PCDHA13: variants seen among roughly 807,000 people sequenced by gnomAD.
The protein encoded by PCDHA13 is protocadherin alpha-13.
A neutral mutation model predicts 64.8 loss-of-function variants in PCDHA13; 54 were observed. That is an observed-to-expected ratio of 0.83 (90% CI 0.67 to 1.04). PCDHA13 has a LOEUF of 1.04. Ranked by LOEUF, PCDHA13 falls within the 50% of genes least tolerant of loss-of-function variation. The pLI is 0.00. For synonymous variants in PCDHA13, 587 were observed against 564.4 expected (o/e 1.04, Z -0.57); for missense variants, 1,248 against 1,254.3 (o/e 0.99, Z 0.08).
At chr5:140,898,961 G>A (rs1405112699) in intron 1 of PCDHA13, among the ~76,000 whole-genome samples, 1 of 152,036 alleles carries the variant, frequency 6.6e-6, no homozygotes, top group African/African-American at 2.4e-5. Flanking sequence ...AGTTGTGAAT[G>A]GGAGTTCACT....
rs572947059 is a variant in PCDHA13 at position 141,007,735 on chromosome 5, A to G, written c.2543-1892A>G. Reference sequence around the variant, plus strand: ...CCACCAGGGAGAACAAAGGTTAACCACTGAAGATAACTTTGGACTCTTATT... The same window carrying G: ...CCACCAGGGAGAACAAAGGTTAACCGCTGAAGATAACTTTGGACTCTTATT... On this transcript the variant is annotated intron_variant, in intron 3 of 3. Coordinates refer to ENST00000289272, the MANE Select transcript of PCDHA13 (RefSeq NM_018904.3). Among the ~76,000 whole-genome samples, 58 of 152,336 alleles carry G rather than the reference A, an allele frequency of 3.8e-4. 1 individual carries two copies. Among genetic ancestry groups the G allele is most frequent in the South Asian group, 2.9e-3 (14 of 4,824 alleles).
chr5:140,954,824 C>T (rs1167171102), intron 1 of PCDHA13, among the ~76,000 whole-genome samples: 2 of 152,068 alleles, frequency 1.3e-5, no homozygotes, highest in Non-Finnish European at 2.9e-5. Flanking sequence ...GCTTTAGGCA[C>T]TTTTGTCATG....
At chr5:140,900,538 A>G (rs1341812228) in intron 1 of PCDHA13, among the ~76,000 whole-genome samples, 1 of 152,162 alleles carries the variant, frequency 6.6e-6, no homozygotes, top group Non-Finnish European at 1.5e-5. Context: ...CGGCTTTCCA[A>G]AGTGCTGGGA....
chr5:140,963,483 T>C (rs1228943699), intron 1 of PCDHA13, among the ~76,000 whole-genome samples: 1 of 152,246 alleles, frequency 6.6e-6, no homozygotes, highest in Non-Finnish European at 1.5e-5. Flanking sequence ...GGTAAATCTC[T>C]TGTGAGGAAA....
chr5:140,883,601 G>T lies in PCDHA13; in HGVS notation c.1333G>T (p.Val445Leu). ...LWATASVSVG[V>L]ADVNDNAPAF... ...GGCCACGGCCAGCGTGTCGGTGGGG[G>T]TGGCCGACGTGAACGACAACGCGCC... Residue 445 changes from valine (V) to leucine (L), a missense_variant, in exon 1 of 4, where the codon GTG (valine) becomes TTG (leucine). Val to Leu is a conservative substitution (Grantham distance 32). Transcript: ENST00000289272. 2 of 1,614,022 alleles carry T rather than the reference G, an allele frequency of 1.2e-6. No individual in the cohort carries two copies. Among genetic ancestry groups the T allele is most frequent in the Non-Finnish European group, 1.7e-6 (2 of 1,179,942 alleles).
At chr5:140,977,379 C>T (rs921133722) in intron 1 of PCDHA13, among the ~76,000 whole-genome samples, 4 of 152,134 alleles carry the variant, frequency 2.6e-5, no homozygotes, top group African/African-American at 2.4e-5. Flanking sequence ...AGTCATATTT[C>T]CAGGTTTATA....
intron 1 of PCDHA13, among the ~76,000 whole-genome samples, chr5:140,886,254 CTA>C (rs1304679943): frequency 6.6e-6 from 1 of 151,720 alleles, no homozygotes; most frequent in Non-Finnish European, 1.5e-5. Flanking sequence ...AAAAGTATCT[CTA>C]TTTATAGATA....
At chr5:140,931,782 C>T (rs967402790) in intron 1 of PCDHA13, among the ~76,000 whole-genome samples, 9 of 151,848 alleles carry the variant, frequency 5.9e-5, no homozygotes, top group Non-Finnish European at 5.9e-5. Flanking sequence ...GTTCAATTAC[C>T]TATTGATCTG....
chr5:140,969,672 A>C (rs1251717537), intron 1 of PCDHA13, among the ~76,000 whole-genome samples: 2 of 152,198 alleles, frequency 1.3e-5, no homozygotes, highest in African/African-American at 4.8e-5. Context: ...TAATGTTATG[A>C]GACTCAAGGA....
intron 1 of PCDHA13, among the ~76,000 whole-genome samples, chr5:140,911,493 A>G (rs1157677496): frequency 6.6e-6 from 1 of 152,168 alleles, no homozygotes; most frequent in African/African-American, 2.4e-5. Context: ...CAATCTTAGC[A>G]GGTTTGAGGT....
chr5:140,982,843 A>G (rs782122104), intron 3 of PCDHA13, among the ~76,000 whole-genome samples: 1 of 152,090 alleles, frequency 6.6e-6, no homozygotes, highest in Non-Finnish European at 1.5e-5. Flanking sequence ...GTTTGTTTAA[A>G]TCAGGTACCT....
rs2059309071 is a variant in PCDHA13 at position 140,882,777 on chromosome 5, A to G, written c.509A>G (p.Tyr170Cys). The G allele has an allele frequency of 6.2e-7, 1 of 1,614,096 alleles. No homozygotes were observed. Among genetic ancestry groups the G allele is most frequent in the Non-Finnish European group, 8.5e-7 (1 of 1,180,040 alleles). Residue 170 changes from tyrosine (Y) to cysteine (C), a missense_variant, in exon 1 of 4, where the codon TAC (tyrosine) becomes TGC (cysteine). Physicochemically the swap from Tyr to Cys is radical, Grantham distance 194. Transcript: ENST00000289272. Reference sequence around the variant, plus strand: ...ATTGGAGTAAACTCGGCATTGACCTACCGACTGGATCCCAACGATTATTTC... The same window carrying G: ...ATTGGAGTAAACTCGGCATTGACCTGCCGACTGGATCCCAACGATTATTTC... ...ADIGVNSALT[Y>C]RLDPNDYFTL...
chr5:140,966,986 C>G (rs1364396774), intron 1 of PCDHA13: 1 of 1,603,766 alleles, frequency 6.2e-7, no homozygotes, highest in African/African-American at 1.3e-5. Flanking sequence ...GCGCTTGGGG[C>G]CGGGTTGCTT....
intron 3 of PCDHA13, among the ~76,000 whole-genome samples, chr5:140,996,093 A>G (rs2097711389): frequency 6.6e-6 from 1 of 152,210 alleles, no homozygotes; most frequent in South Asian, 2.1e-4. Flanking sequence ...GCTAGATTAC[A>G]TGGAATGGTA....
At chr5:140,920,825 G>A (rs557360536) in intron 1 of PCDHA13, among the ~76,000 whole-genome samples, 12 of 150,152 alleles carry the variant, frequency 8.0e-5, no homozygotes, top group African/African-American at 2.4e-4. Context: ...GCCTGGCGAC[G>A]GAGCAAGACC....
intron 2 of PCDHA13, among the ~76,000 whole-genome samples, chr5:140,979,323 T>C (rs2096844622): frequency 6.6e-6 from 1 of 152,180 alleles, no homozygotes; most frequent in Non-Finnish European, 1.5e-5. Context: ...TATGCTTTCT[T>C]TTCCTCCTTT....
At chr5:140,912,511 T>C (rs2075947919) in intron 1 of PCDHA13, among the ~76,000 whole-genome samples, 1 of 152,158 alleles carries the variant, frequency 6.6e-6, no homozygotes, top group Non-Finnish European at 1.5e-5. Context: ...TGGATGAATC[T>C]TTAGGGTTTT....
intron 1 of PCDHA13, among the ~76,000 whole-genome samples, chr5:140,901,586 T>C (rs550614771): frequency 9.2e-5 from 14 of 152,348 alleles, no homozygotes; most frequent in African/African-American, 3.4e-4. Context: ...AGTGCCATGA[T>C]GTTTTGGTTA....
At chr5:140,905,333 T>A (rs180881008) in intron 1 of PCDHA13, among the ~76,000 whole-genome samples, 2 of 152,324 alleles carry the variant, frequency 1.3e-5, no homozygotes, top group Admixed American at 1.3e-4. Flanking sequence ...TTGTTGAAGA[T>A]CAGTTGGCTG....
Sources: allele counts gnomAD v4.1 joint callset (sites outside exome capture counted in the v4.1 genomes callset), GRCh38; gene constraint gnomAD v4.1.1; transcripts MANE v1.5; gene names NCBI Gene and HGNC (gene_info 2026-07-23, HGNC 2026-07-21).